The following ENTREP2 variants were observed in gnomAD, a reference collection of about 807,000 sequenced individuals.
ENTREP2 encodes endosomal transmembrane epsin interactor 2.
chr15:29,648,945 A>AC, the ENTREP2 span, among the ~76,000 whole-genome samples: 45 of 151,868 alleles, frequency 3.0e-4, no homozygotes, highest in African/African-American at 7.5e-4. Flanking sequence ...TAAAAAAAAA[A>AC]AACAACAACA....
At chr15:29,501,083 A>C in the ENTREP2 span, among the ~76,000 whole-genome samples, 3 of 152,114 alleles carry the variant, frequency 2.0e-5, no homozygotes, top group Non-Finnish European at 4.4e-5. Flanking sequence ...CAATGAGGAA[A>C]GCCTCGACCA....
chr15:29,234,524 T>C, the ENTREP2 span: 2 of 1,378,930 alleles, frequency 1.5e-6, no homozygotes, highest in African/African-American at 1.4e-5. Flanking sequence ...GGCAAGGTAA[T>C]ATGGTATTGG....
chr15:29,139,274 A>G, the ENTREP2 span, among the ~76,000 whole-genome samples: 3 of 152,200 alleles, frequency 2.0e-5, no homozygotes, highest in Non-Finnish European at 4.4e-5. Context: ...CACACGGAGC[A>G]CACTCCTCGC....
At chr15:29,273,277 C>A in the ENTREP2 span, among the ~76,000 whole-genome samples, 6 of 150,428 alleles carry the variant, frequency 4.0e-5, no homozygotes. Context: ...TGGCTCACTG[C>A]AACCTCCGCC....
At chr15:29,648,436 T>C in the ENTREP2 span, among the ~76,000 whole-genome samples, 1 of 152,224 alleles carries the variant, frequency 6.6e-6, no homozygotes, top group African/African-American at 2.4e-5. Context: ...TGGTCTCTCA[T>C]GTTACCCACC....
the ENTREP2 span, among the ~76,000 whole-genome samples, chr15:29,513,483 AC>A: frequency 6.6e-6 from 1 of 152,146 alleles, no homozygotes; most frequent in South Asian, 2.1e-4. Context: ...CCTCTGCAAA[AC>A]CATGTCCCCT....
At chr15:29,233,121 C>T in the ENTREP2 span, among the ~76,000 whole-genome samples, 1 of 152,146 alleles carries the variant, frequency 6.6e-6, no homozygotes, top group Non-Finnish European at 1.5e-5. Flanking sequence ...AGGCTCTATT[C>T]AAGGCTTGGA....
At chr15:29,458,872 G>C in the ENTREP2 span, among the ~76,000 whole-genome samples, 1 of 152,106 alleles carries the variant, frequency 6.6e-6, no homozygotes, top group Admixed American at 6.5e-5. Context: ...CAGACTCCTT[G>C]GTACATTTTC....
chr15:29,378,549 T>C, the ENTREP2 span, among the ~76,000 whole-genome samples: 4 of 152,032 alleles, frequency 2.6e-5, no homozygotes, highest in African/African-American at 4.8e-5. Flanking sequence ...AACCAGTCAG[T>C]GGAAAGAAGA....
the ENTREP2 span, among the ~76,000 whole-genome samples, chr15:29,284,879 T>C: frequency 6.6e-6 from 1 of 152,332 alleles, no homozygotes; most frequent in South Asian, 2.1e-4. Flanking sequence ...TAAATCTTCA[T>C]GCACAATGGT....
the ENTREP2 span, among the ~76,000 whole-genome samples, chr15:29,303,686 T>C: frequency 8.8e-6 from 1 of 113,716 alleles, no homozygotes; most frequent in African/African-American, 3.4e-5. Context: ...TATTACTCCC[T>C]TCTTTGTGTC....
the ENTREP2 span, among the ~76,000 whole-genome samples, chr15:29,125,519 C>T: frequency 1.3e-5 from 2 of 152,086 alleles, no homozygotes; most frequent in African/African-American, 2.4e-5. Context: ...GCAAGACCAT[C>T]GAGGGGAGAC....
chr15:29,251,829 G>A, the ENTREP2 span, among the ~76,000 whole-genome samples: 5 of 146,106 alleles, frequency 3.4e-5, no homozygotes, highest in African/African-American at 7.6e-5. Flanking sequence ...TTCTTCTAAC[G>A]TGGCCCAAGG....
At chr15:29,296,027 G>A in the ENTREP2 span, among the ~76,000 whole-genome samples, 1 of 152,192 alleles carries the variant, frequency 6.6e-6, no homozygotes, top group African/African-American at 2.4e-5. Flanking sequence ...AAGGGAACAA[G>A]ACTGACCTCC....
At chr15:29,289,724 T>C in the ENTREP2 span, among the ~76,000 whole-genome samples, 1 of 151,862 alleles carries the variant, frequency 6.6e-6, no homozygotes, top group African/African-American at 2.4e-5. Context: ...TGCGCACCTG[T>C]AAACCCAGCT....
chr15:29,223,742 A>G, the ENTREP2 span, among the ~76,000 whole-genome samples: 1 of 152,106 alleles, frequency 6.6e-6, no homozygotes, highest in Admixed American at 6.5e-5. Flanking sequence ...AGGTAGCCAG[A>G]GAGGCTGGTT....
the ENTREP2 span, among the ~76,000 whole-genome samples, chr15:29,625,352 A>C: frequency 6.6e-6 from 1 of 152,156 alleles, no homozygotes; most frequent in Non-Finnish European, 1.5e-5. Context: ...GTGTGAATAT[A>C]ACTTTCCATT....
chr15:29,494,213 A>AC, the ENTREP2 span, among the ~76,000 whole-genome samples: 2 of 151,962 alleles, frequency 1.3e-5, no homozygotes, highest in African/African-American at 2.4e-5. Context: ...GAAAAAAAAA[A>AC]ACTTTAAAAA....
At chr15:29,319,334 TCAGA>T in the ENTREP2 span, among the ~76,000 whole-genome samples, 2 of 152,188 alleles carry the variant, frequency 1.3e-5, no homozygotes, top group Non-Finnish European at 2.9e-5. Context: ...AACAAGAAGC[TCAGA>T]CAGCCCCAGT....
Sources: allele counts gnomAD v4.1 joint callset (sites outside exome capture counted in the v4.1 genomes callset), GRCh38; gene constraint gnomAD v4.1.1; transcripts MANE v1.5; gene names NCBI Gene and HGNC (gene_info 2026-07-23, HGNC 2026-07-21).